The following ABCG1 variants were observed in gnomAD, a reference collection of about 807,000 sequenced individuals.
The protein encoded by ABCG1 is ATP-binding cassette sub-family G member 1.
ABCG1 carries 29 observed loss-of-function variants against 69.2 expected under a neutral mutation model. That is an observed-to-expected ratio of 0.42 (90% confidence interval 0.31 to 0.57). The LOEUF (loss-of-function observed/expected upper bound fraction) is 0.57, where lower values mean the gene tolerates loss of function less well. Among genes scored for constraint, ABCG1 ranks in the 20% least tolerant of loss-of-function variants. The pLI is 0.15. For missense variants in ABCG1, 718 were observed against 898.1 expected, an observed-to-expected ratio of 0.80 and a Z score of 2.56; for synonymous variants, 370 against 374.8, an observed-to-expected ratio of 0.99 and a Z score of 0.15.
chr21:42,267,222 T>G (rs955516732), intron 2 of ABCG1, among the ~76,000 whole-genome samples: 1 of 152,198 alleles, frequency 6.6e-6, no homozygotes, highest in Admixed American at 6.5e-5. Flanking sequence ...CGGGTTCTGG[T>G]CTGCAGTTTT....
At chr21:42,211,154 T>C (rs112402089), upstream of ABCG1, among the ~76,000 whole-genome samples, 6,057 of 152,092 alleles carry the variant, frequency 0.04, 394 homozygotes, top group African/African-American at 0.14. Flanking sequence ...GAGACAGGGT[T>C]TCACCGCGTT....
At chr21:42,249,232 G>A (rs931307701) in intron 2 of ABCG1, among the ~76,000 whole-genome samples, 3 of 152,146 alleles carry the variant, frequency 2.0e-5, no homozygotes, top group Non-Finnish European at 4.4e-5. Flanking sequence ...GAGGGGCGCC[G>A]GGCCTGGGGT....
intron 2 of ABCG1, among the ~76,000 whole-genome samples, chr21:42,246,926 A>C (rs1285606743): frequency 1.3e-5 from 2 of 152,238 alleles, no homozygotes; most frequent in Non-Finnish European, 2.9e-5. Flanking sequence ...TAAAAGAAAA[A>C]AAAATCCTAC....
At chr21:42,242,100 A>C (rs1022196178) in intron 2 of ABCG1, among the ~76,000 whole-genome samples, 1 of 152,246 alleles carries the variant, frequency 6.6e-6, no homozygotes, top group Non-Finnish European at 1.5e-5. Flanking sequence ...CCAGCCACAA[A>C]GTAGACTCCA....
At position 42,296,444 on chromosome 21, in the gene ABCG1, G is replaced by T. The variant is rs56337741; in HGVS notation, c.*52G>T. ...GATTAGACACTGTGGCCGAGGGCAC[G>T]TCTAGAATCGAGGAGGCAAGCCTGT... is the stretch of plus-strand genomic sequence containing the variant. On this transcript the variant is annotated 3_prime_UTR_variant, in exon 15 of 15. Transcript: ENST00000398449. This position sits in a 1 kb window ranked among gnomAD's most constrained non-coding sequence, Gnocchi z 5.4. 7.2e-6 allele frequency: 11 copies of T among 1,519,294 alleles called. 1 individual carries two copies. The East Asian group carries it at 2.5e-4, about 35-fold the overall frequency. 94.1% of individuals were successfully genotyped at this position (1,519,294 alleles called of 1,614,324 possible). A position where few individuals can be genotyped will look rare whatever the true frequency, so the allele number is the denominator to read the frequency against.
At chr21:42,224,475 G>A (rs908769693) in intron 1 of ABCG1, among the ~76,000 whole-genome samples, 1 of 152,164 alleles carries the variant, frequency 6.6e-6, no homozygotes, top group African/African-American at 2.4e-5. Flanking sequence ...TCGGGAATGC[G>A]GGGAACCCAC....
chr21:42,271,872 G>T (rs984313781), intron 3 of ABCG1, among the ~76,000 whole-genome samples: 1 of 152,188 alleles, frequency 6.6e-6, no homozygotes, highest in Admixed American at 6.5e-5. Context: ...TGACAAGAGC[G>T]AGACTCCATC....
chr21:42,270,775 G>A (rs906889209), intron 2 of ABCG1, among the ~76,000 whole-genome samples: 11 of 152,168 alleles, frequency 7.2e-5, no homozygotes, highest in Non-Finnish European at 1.0e-4. Flanking sequence ...TCTGAGACGG[G>A]AATGGTGGAT....
At chr21:42,207,325 T>C (rs1399217716) in intron 2 of ABCG1, among the ~76,000 whole-genome samples, 1 of 152,230 alleles carries the variant, frequency 6.6e-6, no homozygotes, top group Non-Finnish European at 1.5e-5. Flanking sequence ...CATTTCCCAG[T>C]TTATTAATTT....
intron 2 of ABCG1, among the ~76,000 whole-genome samples, chr21:42,239,783 T>A (rs1414301018): frequency 1.3e-5 from 2 of 152,240 alleles, no homozygotes; most frequent in Admixed American, 1.3e-4. Flanking sequence ...GTCCGGGGCC[T>A]GGCCCCTGGC....
Position 42,288,364 on chromosome 21 carries a change from C to T in ABCG1, c.1224+52C>T. 7.4e-7 allele frequency: 1 copy of T among 1,347,978 alleles called. No homozygotes were observed. Among genetic ancestry groups the T allele is most frequent in the African/African-American group, 1.4e-5 (1 of 69,636 alleles). 83.5% of individuals were successfully genotyped at this position (1,347,978 alleles called of 1,614,324 possible). Reference sequence around the variant, plus strand: ...AGCTGGGGAACCCGTGGGTCATTTTCTCAGACTCGTCCTGACGGAATGTGT... The same window carrying T: ...AGCTGGGGAACCCGTGGGTCATTTTTTCAGACTCGTCCTGACGGAATGTGT... On this transcript the variant is annotated intron_variant, in intron 10 of 14. Coordinates refer to ENST00000398449, the MANE Select transcript of ABCG1 (RefSeq NM_016818.3). This position sits in a 1 kb window ranked among gnomAD's most constrained non-coding sequence, Gnocchi z 4.8.
In ABCG1 at chr21:42,272,049, AT is replaced by A. The variant is rs546909413; in HGVS notation, c.404+865del. 9.8e-4 allele frequency among the ~76,000 whole-genome samples: 150 copies of A among 152,370 alleles called. 1 individual carries two copies. The highest frequency in any genetic ancestry group is 3.4e-3 in the Middle Eastern group (1 of 294). ...GTTATTTTCATGTCTGATTGGTTTT[AT>A]TTACTAACTTTGGCAAATAGTAATA... is the stretch of plus-strand genomic sequence containing the variant. On this transcript the variant is annotated intron_variant, in intron 3 of 14. Transcript: ENST00000398449.
upstream of ABCG1, among the ~76,000 whole-genome samples, chr21:42,217,206 A>T (rs1201080954): frequency 1.3e-5 from 2 of 152,132 alleles, no homozygotes; most frequent in African/African-American, 4.8e-5. Context: ...AATCCCGCAT[A>T]AATCTTCGGG....
intron 2 of ABCG1, among the ~76,000 whole-genome samples, chr21:42,260,829 CT>C (rs1191060375): frequency 1.8e-4 from 27 of 147,488 alleles, no homozygotes; most frequent in African/African-American, 2.0e-4. Flanking sequence ...CTCCCATTTT[CT>C]TTTTTTTTTT....
intron 2 of ABCG1, among the ~76,000 whole-genome samples, chr21:42,234,679 G>A (rs2067950635): frequency 6.6e-6 from 1 of 152,238 alleles, no homozygotes; most frequent in Non-Finnish European, 1.5e-5. Flanking sequence ...TCCATACTGA[G>A]TAAAAAAGCC....
At chr21:42,216,167 G>A (rs1187338014), upstream of ABCG1, 2 of 451,024 alleles carry the variant, frequency 4.4e-6, no homozygotes, top group Admixed American at 4.7e-5. Context: ...TGATCATGAG[G>A]CTTCCCCAGC....
intron 2 of ABCG1, among the ~76,000 whole-genome samples, chr21:42,267,190 C>T (rs1003367405): frequency 1.4e-4 from 22 of 152,228 alleles, no homozygotes; most frequent in Admixed American, 2.0e-4. Context: ...CAGAGGCCGG[C>T]CCTGCCCGCC....
rs561004948 is a variant in ABCG1, at chr21:42,250,088, T to G, written c.287-20982T>G. Among the ~76,000 whole-genome samples, 279 of 149,684 alleles carry G rather than the reference T, an allele frequency of 1.9e-3. 3 individuals carry two copies. Among genetic ancestry groups the G allele is most frequent in the African/African-American group, 6.6e-3 (269 of 40,570 alleles). On this transcript the variant is annotated intron_variant, in intron 2 of 14. Transcript: ENST00000398449. ...CGTGTGTTGTGTGTCTTGGGTCACGTGTGAACACATATGGGGGTGCAGGGG... is the reference window on the plus strand; with the variant it reads ...CGTGTGTTGTGTGTCTTGGGTCACGGGTGAACACATATGGGGGTGCAGGGG...
At chr21:42,257,347 A>G (rs1188703821) in intron 2 of ABCG1, among the ~76,000 whole-genome samples, 5 of 152,222 alleles carry the variant, frequency 3.3e-5, no homozygotes, top group East Asian at 1.9e-4. Flanking sequence ...TAGAATATCC[A>G]TGGCACCCGC....
Sources: allele counts gnomAD v4.1 joint callset (sites outside exome capture counted in the v4.1 genomes callset), GRCh38; gene constraint gnomAD v4.1.1; non-coding constraint Gnocchi (gnomAD v3.1); transcripts MANE v1.5; gene names NCBI Gene and HGNC (gene_info 2026-07-23, HGNC 2026-07-21).